Variants in SCP2 observed in about 807,000 individuals in gnomAD.
The protein encoded by SCP2 is sterol carrier protein 2, also known as SCP-2/3-oxoacyl-CoA thiolase.
SCP2 carries 48 observed loss-of-function variants against 71.4 expected under a neutral mutation model. That is an observed-to-expected ratio of 0.67 (90% CI 0.53 to 0.86). The LOEUF is 0.86. Ranked by LOEUF, SCP2 falls within the 40% of genes least tolerant of loss-of-function variation. SCP2 has a pLI of 0.00. For synonymous variants in SCP2, 220 were observed against 218.1 expected, an observed-to-expected ratio of 1.01 and a Z score of -0.08; for missense variants, 560 against 655.6, an observed-to-expected ratio of 0.85 and a Z score of 1.59.
At chr1:52,985,539 G>A (rs956013176) in intron 10 of SCP2, among the ~76,000 whole-genome samples, 42 of 152,248 alleles carry the variant, frequency 2.8e-4, no homozygotes, top group East Asian at 5.8e-4. Context: ...GGCTGGTCCC[G>A]TGCTTCTGCC....
chr1:53,012,589 A>G (rs1229507321), intron 11 of SCP2, among the ~76,000 whole-genome samples: 1 of 152,112 alleles, frequency 6.6e-6, no homozygotes, highest in Non-Finnish European at 1.5e-5. Context: ...TTTCACTGTT[A>G]TAACAGTATG....
intron 10 of SCP2, among the ~76,000 whole-genome samples, chr1:52,984,356 C>T (rs1658779328): frequency 6.6e-6 from 1 of 152,044 alleles, no homozygotes; most frequent in African/African-American, 2.4e-5. Flanking sequence ...CTATAATCCC[C>T]CTGCTTTTAT....
At chr1:52,948,761 T>G (rs1655029193) in intron 3 of SCP2, among the ~76,000 whole-genome samples, 2 of 152,164 alleles carry the variant, frequency 1.3e-5, no homozygotes, top group African/African-American at 4.8e-5. Context: ...TGTCAAATAT[T>G]GAATATATTC....
chr1:52,978,019 C>G (rs143142984), intron 8 of SCP2, among the ~76,000 whole-genome samples, 198 bp from the exon 9 acceptor site: 1 of 151,660 alleles, frequency 6.6e-6, no homozygotes, highest in Admixed American at 6.6e-5. Context: ...TAGTGATTGA[C>G]AACATTTAAG....
At chr1:52,951,555 T>TAAAAA (rs563183018) in intron 4 of SCP2, among the ~76,000 whole-genome samples, 1 of 72,596 alleles carries the variant, frequency 1.4e-5, no homozygotes, top group African/African-American at 4.6e-5. Context: ...AGACTGTCTC[T>TAAAAA]AAAAAAAAAA....
intron 11 of SCP2, among the ~76,000 whole-genome samples, chr1:53,011,352 T>C (rs569242366): frequency 6.6e-6 from 1 of 152,258 alleles, no homozygotes; most frequent in Non-Finnish European, 1.5e-5. Flanking sequence ...TTTTCCATTC[T>C]GTGTCTATTC....
At chr1:52,934,173 T>C (rs1314855267) in intron 1 of SCP2, among the ~76,000 whole-genome samples, 1 of 152,180 alleles carries the variant, frequency 6.6e-6, no homozygotes, top group Non-Finnish European at 1.5e-5. Flanking sequence ...TTTACAGACA[T>C]TTTCTCAAAA....
intron 6 of SCP2, among the ~76,000 whole-genome samples, chr1:52,970,761 C>T (rs911186768): frequency 3.9e-5 from 6 of 151,902 alleles, no homozygotes; most frequent in African/African-American, 1.5e-4. Flanking sequence ...GCCCATGTAC[C>T]CTTAAAGGTT....
intron 1 of SCP2, among the ~76,000 whole-genome samples, chr1:52,935,755 T>A (rs1217992792): frequency 6.6e-6 from 1 of 151,874 alleles, no homozygotes; most frequent in Non-Finnish European, 1.5e-5. Flanking sequence ...CTGGGCAACA[T>A]GGCAAGACCC....
chr1:52,994,452 C>A, intron 11 of SCP2: 1 of 197,336 alleles, frequency 5.1e-6, no homozygotes, highest in Non-Finnish European at 9.3e-6. Context: ...TTTGTCATGC[C>A]ATCCACTGAA....
At position 52,980,528 on chromosome 1, in the gene SCP2, G is replaced by A; in HGVS notation, c.958G>A (p.Gly320Arg). The change falls in exon 10 of 16, where the codon GGA (glycine) becomes AGA (arginine). Residue 320 changes from glycine (G) to arginine (R), a missense_variant. Physicochemically the swap from Gly to Arg is moderately radical, Grantham distance 125 (BLOSUM62 -2). Coordinates refer to ENST00000371514, the MANE Select transcript of SCP2 (RefSeq NM_002979.5). ...TNELLTYEAL[G>R]LCPEGQGATL... The stretch of plus-strand genomic sequence containing the variant: ...CGAACTCCTTACTTATGAAGCACTG[G>A]GACTCTGTCCAGAAGGTAACATCTT... 1 of 1,613,920 alleles carries A rather than the reference G, an allele frequency of 6.2e-7. No homozygotes were observed. Among genetic ancestry groups the A allele is most frequent in the Non-Finnish European group, 8.5e-7 (1 of 1,179,844 alleles).
intron 8 of SCP2, among the ~76,000 whole-genome samples, chr1:52,977,240 G>A (rs552768341): frequency 4.0e-4 from 61 of 152,276 alleles, no homozygotes; most frequent in Admixed American, 7.2e-4. Context: ...AGTGAGTACT[G>A]CTTAGCTCCT....
At chr1:52,993,346 C>T (rs1659672059) in intron 11 of SCP2, 1 of 1,614,144 alleles carries the variant, frequency 6.2e-7, no homozygotes, top group Non-Finnish European at 8.5e-7. Flanking sequence ...TTGCTGATGC[C>T]TCCATGTATG....
intron 6 of SCP2, among the ~76,000 whole-genome samples, chr1:52,967,403 A>G (rs549224220): frequency 1.3e-5 from 2 of 152,218 alleles, no homozygotes; most frequent in Admixed American, 1.3e-4. Flanking sequence ...CCAGGAAATT[A>G]TCCACGTCAT....
chr1:52,929,276 C>T (rs1235952935), intron 1 of SCP2, among the ~76,000 whole-genome samples: 1 of 149,996 alleles, frequency 6.7e-6, no homozygotes, highest in Non-Finnish European at 1.5e-5. Flanking sequence ...TAGCTCACTG[C>T]AGCCTTGAAC....
intron 1 of SCP2, among the ~76,000 whole-genome samples, chr1:52,940,068 T>A (rs1409100200): frequency 1.3e-5 from 2 of 152,158 alleles, no homozygotes; most frequent in Non-Finnish European, 2.9e-5. Flanking sequence ...CCATTCTAAT[T>A]AATAGTGGTA....
chr1:52,962,181 C>T lies in SCP2; in HGVS notation c.523+552C>T, dbSNP rs113895106. On this transcript the variant is annotated intron_variant, in intron 6 of 15. Transcript: ENST00000371514. ...CCTCCCAAAGTGTTGGGATTACAGG[C>T]GTGAGCCACCATGACTGGCCATGGA... 3.6e-3 allele frequency among the ~76,000 whole-genome samples: 552 copies of T among 152,226 alleles called. 4 individuals carry two copies. Among genetic ancestry groups the T allele is most frequent in the African/African-American group, 0.013 (535 of 41,528 alleles).
At position 53,020,076 on chromosome 1, in the gene SCP2, G is replaced by A. The variant is rs990375547; in HGVS notation, c.1235+5033G>A. 2.0e-5 allele frequency among the ~76,000 whole-genome samples: 3 copies of A among 151,970 alleles called. No individual in the cohort carries two copies. The East Asian group carries it at 5.8e-4, about 29-fold the overall frequency. ...TAATTTTTGTATTTTTAGTAGAGAC[G>A]GAGTTTTGCCATGTTGTCCAGGCTG... On this transcript the variant is annotated intron_variant, in intron 12 of 15. Transcript: ENST00000371514.
At chr1:52,965,713 C>A (rs981377484) in intron 6 of SCP2, among the ~76,000 whole-genome samples, 3 of 152,100 alleles carry the variant, frequency 2.0e-5, no homozygotes, top group Non-Finnish European at 4.4e-5. Flanking sequence ...TGGCTTACTG[C>A]AATCTCCATC....
Sources: gnomAD v4.1 joint callset for allele counts (sites outside exome capture counted in the v4.1 genomes callset) on GRCh38, gnomAD v4.1.1 for gene constraint, MANE v1.5 for transcripts, NCBI Gene and HGNC (gene_info 2026-07-23, HGNC 2026-07-21) for gene names.